KCNS3: variants seen among roughly 807,000 people sequenced by gnomAD.
The protein encoded by KCNS3 is potassium voltage-gated channel modifier subfamily S member 3, also known as delayed-rectifier potassium channel regulatory subunit KCNS3.
Under a neutral mutation model 31.0 loss-of-function variants are expected in KCNS3, and 13 were observed. That is an observed-to-expected ratio of 0.42 (90% CI 0.27 to 0.67). The LOEUF (loss-of-function observed/expected upper bound fraction) is 0.67. KCNS3 is among the 30% of genes least tolerant of loss of function. The pLI is 0.25. For synonymous variants in KCNS3, 238 were observed against 241.5 expected (o/e 0.99, Z 0.13); for missense variants, 545 against 622.4 (o/e 0.88, Z 1.32).
chr2:17,913,648 T>G (rs796561028), intron 1 of KCNS3, among the ~76,000 whole-genome samples: 1 of 152,250 alleles, frequency 6.6e-6, no homozygotes, highest in Admixed American at 6.5e-5. Flanking sequence ...CCCCAGCCCC[T>G]GTCAGCAGAT....
chr2:17,900,196 A>T (rs1662138699), intron 1 of KCNS3, among the ~76,000 whole-genome samples: 1 of 152,210 alleles, frequency 6.6e-6, no homozygotes, highest in African/African-American at 2.4e-5. Context: ...GGCATTAAGG[A>T]TACAAAAATT....
chr2:17,928,520 G>T (rs764455311), intron 2 of KCNS3, among the ~76,000 whole-genome samples: 1 of 152,126 alleles, frequency 6.6e-6, no homozygotes, highest in East Asian at 1.9e-4. Flanking sequence ...ATCTGTCTTG[G>T]CCTCCCAAAG....
intron 1 of KCNS3, among the ~76,000 whole-genome samples, chr2:17,914,631 CA>C (rs923436606): frequency 6.6e-6 from 1 of 152,248 alleles, no homozygotes; most frequent in African/African-American, 2.4e-5. Context: ...GGAATTGGTT[CA>C]AAAAATGTGT....
At chr2:17,901,810 A>G (rs1406005716) in intron 1 of KCNS3, among the ~76,000 whole-genome samples, 1 of 152,058 alleles carries the variant, frequency 6.6e-6, no homozygotes, top group Non-Finnish European at 1.5e-5. Flanking sequence ...AAATTGGGGA[A>G]GTTTTTTATA....
chr2:17,909,299 C>T (rs575214924), intron 1 of KCNS3, among the ~76,000 whole-genome samples: 22 of 152,304 alleles, frequency 1.4e-4, no homozygotes, highest in South Asian at 8.3e-4. Flanking sequence ...TTGCTAAGAC[C>T]GTTGGAAAAG....
chr2:17,915,971 A>C (rs913002142), intron 1 of KCNS3, among the ~76,000 whole-genome samples: 3 of 152,154 alleles, frequency 2.0e-5, no homozygotes, highest in African/African-American at 7.2e-5. Context: ...GGCCCATTAC[A>C]TACCAGTGCT....
At chr2:17,880,547 G>T (rs1315454231) in intron 1 of KCNS3, among the ~76,000 whole-genome samples, 1 of 152,184 alleles carries the variant, frequency 6.6e-6, no homozygotes. Flanking sequence ...AAAGCATGTT[G>T]TGAATATACT....
intron 1 of KCNS3, among the ~76,000 whole-genome samples, chr2:17,892,390 C>G (rs1572481584): frequency 6.6e-6 from 1 of 151,988 alleles, no homozygotes; most frequent in South Asian, 2.1e-4. Flanking sequence ...TCTGGTCCCT[C>G]CCTGTTTAGC....
chr2:17,882,074 A>G (rs891284846), intron 1 of KCNS3, among the ~76,000 whole-genome samples: 1 of 152,222 alleles, frequency 6.6e-6, no homozygotes, highest in East Asian at 1.9e-4. Context: ...AAGTAAATCA[A>G]CCAGTGACCA....
At chr2:17,909,682 G>C (rs1662426026) in intron 1 of KCNS3, among the ~76,000 whole-genome samples, 1 of 152,170 alleles carries the variant, frequency 6.6e-6, no homozygotes. Flanking sequence ...GTGAAGACTT[G>C]AGGGAAGTGA....
chr2:17,931,352 C>G lies in KCNS3; in HGVS notation c.344C>G (p.Ser115Cys). ...YWGINELFID[S>C]CCSNRYQERK... Reference sequence around the variant, plus strand: ...GGCATCAACGAGCTCTTCATTGATTCTTGCTGCAGCAATCGCTACCAGGAA... The same window carrying G: ...GGCATCAACGAGCTCTTCATTGATTGTTGCTGCAGCAATCGCTACCAGGAA... Residue 115 changes from serine (S) to cysteine (C), a missense_variant, in exon 3 of 3, where the codon TCT (serine) becomes TGT (cysteine). Physicochemically the swap from Ser to Cys is moderately radical, Grantham distance 112. Coordinates refer to ENST00000304101, the MANE Select transcript of KCNS3 (RefSeq NM_002252.5). The surrounding 1 kb of genome is among the most constrained non-coding windows in gnomAD (Gnocchi z 5.4). 1.9e-6 allele frequency: 3 copies of G among 1,614,146 alleles called. No individual in the cohort carries two copies. The highest frequency in any genetic ancestry group is 2.2e-5 in the South Asian group (2 of 91,084).
At position 17,891,574 on chromosome 2, in the gene KCNS3, G is replaced by A. The variant is rs545811376; in HGVS notation, c.-252+12768G>A. Among the ~76,000 whole-genome samples the A allele has an allele frequency of 2.0e-5, 3 of 152,244 alleles. No individual in the cohort carries two copies. In the East Asian group the frequency reaches 5.8e-4, roughly 29 times the overall value. ...CTGTTTTGATGTGTTTCCAGGATTT[G>A]TTTCAAGATTTAGAGCTCCTTTTAG... is the stretch of plus-strand genomic sequence containing the variant. On this transcript the variant is annotated intron_variant, in intron 1 of 2. Coordinates refer to ENST00000304101, the MANE Select transcript of KCNS3 (RefSeq NM_002252.5).
chr2:17,929,856 G>T (rs952225652), intron 2 of KCNS3, among the ~76,000 whole-genome samples: 1 of 152,300 alleles, frequency 6.6e-6, no homozygotes. Context: ...TGTACCTAGA[G>T]AGGCTGAGAG....
chr2:17,931,070 T>TG lies in KCNS3; in HGVS notation c.68dup (p.Phe24LeufsTer2), dbSNP rs1167994655. ...GACGAGGAACTTGTCAACCTGAATG[T>TG]GGGGGGCTTTAAGCAGTCTGTTGAC... On this transcript the variant is annotated frameshift_variant, in exon 3 of 3. Transcript: ENST00000304101. LOFTEE classifies it high-confidence loss of function. The surrounding 1 kb of genome is among the most constrained non-coding windows in gnomAD (Gnocchi z 5.4). The TG allele has an allele frequency of 4.3e-6, 7 of 1,614,096 alleles. No homozygotes were observed. Among genetic ancestry groups the TG allele is most frequent in the Non-Finnish European group, 5.9e-6 (7 of 1,179,988 alleles).
At chr2:17,926,104 G>A (rs1479859978) in intron 2 of KCNS3, among the ~76,000 whole-genome samples, 1 of 152,206 alleles carries the variant, frequency 6.6e-6, no homozygotes, top group Non-Finnish European at 1.5e-5. Flanking sequence ...GGGCAAGTCT[G>A]AAACCCATCA....
intron 1 of KCNS3, among the ~76,000 whole-genome samples, chr2:17,888,651 A>ATATATCTATC (rs1661760926): frequency 7.5e-6 from 1 of 133,512 alleles, no homozygotes; most frequent in South Asian, 2.3e-4. Context: ...ATATATATAT[A>ATATATCTATC]TATATATATA....
chr2:17,905,856 G>C (rs942674085), intron 1 of KCNS3, among the ~76,000 whole-genome samples: 1 of 152,096 alleles, frequency 6.6e-6, no homozygotes, highest in African/African-American at 2.4e-5. Context: ...TGCTGGATTT[G>C]GTTTGCCCGT....
intron 1 of KCNS3, among the ~76,000 whole-genome samples, chr2:17,885,247 G>A (rs1266357568): frequency 6.6e-6 from 1 of 152,144 alleles, no homozygotes; most frequent in Admixed American, 6.5e-5. Flanking sequence ...AGAGTCCTGG[G>A]CATGGTTATG....
chr2:17,887,759 CAT>C (rs1394307496), intron 1 of KCNS3, among the ~76,000 whole-genome samples: 13 of 152,164 alleles, frequency 8.5e-5, no homozygotes, highest in Admixed American at 6.5e-4. Flanking sequence ...CACTGTTTAC[CAT>C]AGTGGTTGTA....
Sources: allele counts gnomAD v4.1 joint callset (sites outside exome capture counted in the v4.1 genomes callset), GRCh38; gene constraint gnomAD v4.1.1; non-coding constraint Gnocchi (gnomAD v3.1); transcripts MANE v1.5; gene names NCBI Gene and HGNC (gene_info 2026-07-23, HGNC 2026-07-21).